PCED1B: variants seen among roughly 807,000 people sequenced by gnomAD.
PCED1B encodes PC-esterase domain-containing protein 1B.
For missense variants in PCED1B, 573 were observed against 573.9 expected (o/e 1.00, Z 0.02); for synonymous variants, 251 against 246.1 (o/e 1.02, Z -0.19).
chr12:47,094,649 A>T (rs1231709163), intron 1 of PCED1B, among the ~76,000 whole-genome samples: 1 of 149,898 alleles, frequency 6.7e-6, no homozygotes, highest in Non-Finnish European at 1.5e-5. Context: ...TATACAAATT[A>T]TCTTTGCCAC....
intron 3 of PCED1B, among the ~76,000 whole-genome samples, chr12:47,217,096 A>G (rs887718557): frequency 6.6e-6 from 1 of 152,136 alleles, no homozygotes; most frequent in Non-Finnish European, 1.5e-5. Flanking sequence ...TTAAAAGTAT[A>G]AAATGGAGAA....
intron 2 of PCED1B, among the ~76,000 whole-genome samples, chr12:47,117,150 CATA>C (rs1227380455): frequency 6.6e-6 from 1 of 152,160 alleles, no homozygotes; most frequent in Non-Finnish European, 1.5e-5. Flanking sequence ...GCCTGGCCAG[CATA>C]ATGTTTTCAA....
intron 2 of PCED1B, among the ~76,000 whole-genome samples, chr12:47,177,702 C>G (rs1941968205): frequency 6.6e-6 from 1 of 152,086 alleles, no homozygotes. Flanking sequence ...GCCTATAATC[C>G]CAGCACTTTG....
At chr12:47,103,768 C>G (rs368218717) in intron 1 of PCED1B, among the ~76,000 whole-genome samples, 6 of 152,174 alleles carry the variant, frequency 3.9e-5, no homozygotes, top group African/African-American at 1.4e-4. Context: ...TACCCTTTCT[C>G]CACCCAAGCT....
At chr12:47,130,779 G>A (rs1381907520) in intron 2 of PCED1B, among the ~76,000 whole-genome samples, 1 of 152,122 alleles carries the variant, frequency 6.6e-6, no homozygotes, top group African/African-American at 2.4e-5. Flanking sequence ...GTGGTCAGTA[G>A]GATGAACATT....
At chr12:47,092,755 A>AT (rs1174373274) in intron 1 of PCED1B, among the ~76,000 whole-genome samples, 1 of 152,034 alleles carries the variant, frequency 6.6e-6, no homozygotes, top group African/African-American at 2.4e-5. Context: ...CTTTTTCTGC[A>AT]TTTGAGATGA....
At chr12:47,210,006 A>G (rs1943028470) in intron 2 of PCED1B, 1 of 152,224 alleles carries the variant, frequency 6.6e-6, no homozygotes, top group Non-Finnish European at 1.5e-5. Flanking sequence ...TTCTTGTGGC[A>G]GATGAAGAGG....
chr12:47,185,910 T>C (rs183448279), intron 2 of PCED1B, among the ~76,000 whole-genome samples: 6 of 152,000 alleles, frequency 3.9e-5, no homozygotes, highest in Non-Finnish European at 7.4e-5. Context: ...TAATAAGTAA[T>C]TCAAAGGAGT....
At chr12:47,126,507 C>G (rs1939894728) in intron 2 of PCED1B, among the ~76,000 whole-genome samples, 2 of 152,082 alleles carry the variant, frequency 1.3e-5, no homozygotes, top group Non-Finnish European at 2.9e-5. Context: ...CAACATAACG[C>G]TGGCCTGCTA....
chr12:47,126,506 G>A (rs1327125097), intron 2 of PCED1B, among the ~76,000 whole-genome samples: 6 of 152,122 alleles, frequency 3.9e-5, no homozygotes, highest in East Asian at 3.9e-4. Flanking sequence ...TCAACATAAC[G>A]CTGGCCTGCT....
intron 2 of PCED1B, among the ~76,000 whole-genome samples, chr12:47,141,202 A>G (rs934267500): frequency 6.6e-6 from 1 of 152,160 alleles, no homozygotes; most frequent in Non-Finnish European, 1.5e-5. Context: ...AAGTGATGGA[A>G]TAGGAGGTCC....
chr12:47,095,842 A>G (rs561563112), intron 1 of PCED1B, among the ~76,000 whole-genome samples: 32 of 150,102 alleles, frequency 2.1e-4, no homozygotes, highest in Admixed American at 6.0e-4. Flanking sequence ...GTTAATCATA[A>G]GTATTATAAA....
At chr12:47,132,540 T>C (rs1386306100) in intron 2 of PCED1B, among the ~76,000 whole-genome samples, 1 of 152,120 alleles carries the variant, frequency 6.6e-6, no homozygotes, top group Non-Finnish European at 1.5e-5. Context: ...CCCAGGATGG[T>C]TTATTTGAAG....
chr12:47,086,686 C>T (rs1938003288), intron 1 of PCED1B, among the ~76,000 whole-genome samples: 2 of 152,130 alleles, frequency 1.3e-5, no homozygotes, highest in South Asian at 2.1e-4. Flanking sequence ...TCATAAATGG[C>T]AGGTGCTCTA....
intron 3 of PCED1B, among the ~76,000 whole-genome samples, chr12:47,232,005 A>T (rs984761606): frequency 1.3e-5 from 2 of 152,184 alleles, no homozygotes; most frequent in Admixed American, 6.5e-5. Context: ...TTTCTACATG[A>T]TAGTACAATT....
chr12:47,206,568 C>T (rs1185909868), intron 2 of PCED1B: 1 of 152,246 alleles, frequency 6.6e-6, no homozygotes, highest in Admixed American at 6.5e-5. Flanking sequence ...CCTCCTGCCT[C>T]CTTGGTAATT....
chr12:47,105,194 C>T (rs1938891702), intron 2 of PCED1B, among the ~76,000 whole-genome samples: 1 of 151,826 alleles, frequency 6.6e-6, no homozygotes, highest in South Asian at 2.1e-4. Context: ...TGGGAGTCTC[C>T]GCTGAGTTTG....
intron 3 of PCED1B, among the ~76,000 whole-genome samples, chr12:47,220,085 A>AGAAG (rs1235754736): frequency 0.14 from 19,119 of 136,112 alleles, 1,239 homozygotes; most frequent in South Asian, 0.25. Flanking sequence ...AAAAAAAAAA[A>AGAAG]AAAAAGAAGA....
At chr12:47,163,749 A>T (rs1230461816) in intron 2 of PCED1B, among the ~76,000 whole-genome samples, 1 of 152,180 alleles carries the variant, frequency 6.6e-6, no homozygotes, top group East Asian at 1.9e-4. Context: ...TAGTTTATAA[A>T]GAAAAGAGAT....
Sources: allele counts gnomAD v4.1 joint callset (sites outside exome capture counted in the v4.1 genomes callset), GRCh38; gene constraint gnomAD v4.1.1; transcripts MANE v1.5; gene names NCBI Gene and HGNC (gene_info 2026-07-23, HGNC 2026-07-21).